MNS1: variants seen among roughly 807,000 people sequenced by gnomAD.
MNS1 encodes meiosis-specific nuclear structural protein 1.
MNS1 carries 63 observed loss-of-function variants against 72.0 expected under a neutral mutation model. The ratio of observed to expected loss-of-function variants is 0.87; its 90% CI spans 0.71 to 1.08. The LOEUF (loss-of-function observed/expected upper bound fraction) is 1.08. Ranked by LOEUF, MNS1 falls within the 50% of genes least tolerant of loss-of-function variation. The probability of loss-of-function intolerance (pLI) is 0.00; values close to 1 mark genes in which losing one functional copy is unlikely to be tolerated. For synonymous variants in MNS1, 188 were observed against 172.1 expected (o/e 1.09, Z -0.72); for missense variants, 604 against 562.4 (o/e 1.07, Z -0.75).
chr15:56,445,932 G>A (rs1159361530), intron 4 of MNS1: 2 of 152,026 alleles, frequency 1.3e-5, no homozygotes, highest in African/African-American at 4.8e-5. Flanking sequence ...ATATGGCTTA[G>A]CAAATGAAGT....
chr15:56,446,222 C>T (rs2050901320), intron 4 of MNS1, among the ~76,000 whole-genome samples: 1 of 151,826 alleles, frequency 6.6e-6, no homozygotes, highest in Non-Finnish European at 1.5e-5. Context: ...TATAATTGGC[C>T]CTTCTGTTTG....
At chr15:56,463,765 G>C (rs1444014632) in intron 2 of MNS1, 2 of 395,850 alleles carry the variant, frequency 5.1e-6, no homozygotes, top group East Asian at 4.8e-5. Context: ...CTGGGCGACA[G>C]AGCAAGACTC....
In MNS1 at chr15:56,465,012, C is replaced by A; in HGVS notation, c.-40G>T. On this transcript the variant is annotated 5_prime_UTR_variant, in exon 1 of 10. Transcript: ENST00000260453. ...AATACCCCCTCTCGTGGGACCGCGG[C>A]CACCACCTCCCGCCGCAAACGCAGC... is the stretch of plus-strand genomic sequence containing the variant. 1.3e-6 allele frequency: 2 copies of A among 1,594,432 alleles called. No homozygotes were observed. The highest frequency in any genetic ancestry group is 1.7e-5 in the Admixed American group (1 of 57,660).
intron 2 of MNS1, among the ~76,000 whole-genome samples, chr15:56,462,531 G>T (rs1199341793): frequency 5.9e-5 from 9 of 152,138 alleles, no homozygotes; most frequent in African/African-American, 2.2e-4. Context: ...TAAATTAAAG[G>T]AACATGAGGA....
intron 3 of MNS1, 74 bp from the exon 4 acceptor site, chr15:56,447,017 A>T: frequency 1.0e-6 from 1 of 1,003,244 alleles, no homozygotes; most frequent in Non-Finnish European, 1.5e-6. Context: ...AAACTGAGTA[A>T]CTGTATTTTT....
chr15:56,437,466 CAAAAT>C (rs1307121590), intron 7 of MNS1, among the ~76,000 whole-genome samples: 1 of 152,120 alleles, frequency 6.6e-6, no homozygotes, highest in Non-Finnish European at 1.5e-5. Flanking sequence ...GGACATATCT[CAAAAT>C]AATAAGAGCT....
intron 2 of MNS1, among the ~76,000 whole-genome samples, chr15:56,461,349 T>C (rs74616684): frequency 0.045 from 6,793 of 151,626 alleles, 225 homozygotes; most frequent in Non-Finnish European, 0.07. Context: ...GTATCAAAGA[T>C]TAAGGAAATA....
chr15:56,437,954 C>T (rs147290043), intron 7 of MNS1, among the ~76,000 whole-genome samples: 3,405 of 152,058 alleles, frequency 0.022, 133 homozygotes, highest in African/African-American at 0.078. Context: ...CACTGCTCAA[C>T]GAAATAAAAG....
Position 56,464,187 on chromosome 15 carries a change from A to C in MNS1, c.64T>G (p.Tyr22Asp). 6.2e-7 allele frequency: 1 copy of C among 1,614,004 alleles called. No homozygotes were observed. The highest frequency in any genetic ancestry group is 8.5e-7 in the Non-Finnish European group (1 of 1,180,006). The change falls in exon 2 of 10, where the codon TAC becomes GAC. Residue 22 changes from tyrosine to aspartate, a missense_variant. By Grantham distance (160) the Tyr-to-Asp change is radical (BLOSUM62 -3). Coordinates refer to ENST00000260453, the MANE Select transcript of MNS1 (RefSeq NM_018365.4). ...GCTTGGACATGTAATTTTTTGCAGTAGTTTTCATCTACTAATTTCTGATGC... is the reference window on the plus strand; with the variant it reads ...GCTTGGACATGTAATTTTTTGCAGTCGTTTTCATCTACTAATTTCTGATGC... ...ERHQKLVDEN[Y>D]CKKLHVQALK...
At chr15:56,438,369 A>AC (rs2050763902) in intron 7 of MNS1, among the ~76,000 whole-genome samples, 1 of 152,118 alleles carries the variant, frequency 6.6e-6, no homozygotes, top group Non-Finnish European at 1.5e-5. Flanking sequence ...TTTGTTACAA[A>AC]CCTGACAAAA....
intron 4 of MNS1, among the ~76,000 whole-genome samples, chr15:56,446,555 G>C (rs905520406): frequency 6.6e-6 from 1 of 151,908 alleles, no homozygotes; most frequent in Non-Finnish European, 1.5e-5. Context: ...GTAACAATTT[G>C]TACTGTACTA....
intron 7 of MNS1, among the ~76,000 whole-genome samples, chr15:56,439,591 A>G (rs1401029455): frequency 6.6e-6 from 1 of 152,178 alleles, no homozygotes; most frequent in Non-Finnish European, 1.5e-5. Flanking sequence ...GTTTTAAGAA[A>G]GGTGCAAAAG....
chr15:56,436,258 C>T (rs1443224729), intron 7 of MNS1, among the ~76,000 whole-genome samples: 1 of 152,168 alleles, frequency 6.6e-6, no homozygotes, highest in Non-Finnish European at 1.5e-5. Context: ...CAAACTGTCT[C>T]TCAGACCACA....
intron 2 of MNS1, among the ~76,000 whole-genome samples, chr15:56,457,375 T>A (rs1480582973): frequency 6.6e-6 from 1 of 152,124 alleles, no homozygotes; most frequent in African/African-American, 2.4e-5. Context: ...CAAATTAGAA[T>A]TGCAAGGAGA....
intron 3 of MNS1, among the ~76,000 whole-genome samples, chr15:56,448,294 A>G (rs1273826800): frequency 6.6e-6 from 1 of 152,246 alleles, no homozygotes; most frequent in East Asian, 1.9e-4. Context: ...CAGATTTGTT[A>G]CATGGGAATA....
Position 56,443,644 on chromosome 15 carries a change from C to G in MNS1, c.897G>C (p.Gln299His). 6.2e-7 allele frequency: 1 copy of G among 1,611,750 alleles called. No homozygotes were observed. Among genetic ancestry groups the G allele is most frequent in the East Asian group, 2.2e-5 (1 of 44,810 alleles). Residue 299 changes from glutamine to histidine, a missense_variant, in exon 6 of 10, where the codon CAG becomes CAC. By Grantham distance (24) the Gln-to-His change is conservative. Coordinates refer to ENST00000260453, the MANE Select transcript of MNS1 (RefSeq NM_018365.4). ...GAAGTGGTTATTTTAATACCGCATT[C>G]TGAAGCTGTAGCCTTTTCTCCTCAT... ...QENEEKRLQL[Q>H]NALTQKLEEM...
intron 8 of MNS1, 75 bp downstream of exon 8, chr15:56,434,063 A>G (rs1341501494): frequency 6.9e-7 from 1 of 1,454,694 alleles, no homozygotes; most frequent in Non-Finnish European, 9.3e-7. Flanking sequence ...CTTCTCAGTA[A>G]ATGTTTAGTG....
intron 7 of MNS1, among the ~76,000 whole-genome samples, chr15:56,442,946 T>C (rs2050844321): frequency 6.6e-6 from 1 of 152,170 alleles, no homozygotes. Flanking sequence ...ATTGTGGATT[T>C]GCCTCTTTCT....
intron 2 of MNS1, among the ~76,000 whole-genome samples, chr15:56,459,783 G>A (rs1195102547): frequency 6.6e-6 from 1 of 151,014 alleles, no homozygotes; most frequent in Non-Finnish European, 1.5e-5. Context: ...CTTAGGTTGG[G>A]AGTTGGAGAC....
Sources: gnomAD v4.1 joint callset for allele counts (sites outside exome capture counted in the v4.1 genomes callset) on GRCh38, gnomAD v4.1.1 for gene constraint, MANE v1.5 for transcripts, NCBI Gene and HGNC (gene_info 2026-07-23, HGNC 2026-07-21) for gene names.